The following ZNF560 variants were observed in gnomAD, a reference collection of about 807,000 sequenced individuals.
ZNF560 encodes zinc finger protein 560.
In ZNF560, 54 loss-of-function variants were observed where a neutral mutation model predicts 81.8. That is an observed-to-expected ratio of 0.66 (90% CI 0.53 to 0.83). The LOEUF (loss-of-function observed/expected upper bound fraction) is 0.83. Among genes scored for constraint, ZNF560 ranks in the 40% least tolerant of loss-of-function variants. The pLI is 0.00. For synonymous variants in ZNF560, 321 were observed against 317.9 expected (o/e 1.01, Z -0.10); for missense variants, 940 against 932.4 (o/e 1.01, Z -0.11).
At chr19:9,505,873 A>G in the ZNF560 span, among the ~76,000 whole-genome samples, 4 of 152,164 alleles carry the variant, frequency 2.6e-5, no homozygotes, top group Non-Finnish European at 4.4e-5. Flanking sequence ...CATGTTGGCC[A>G]GGCTGATCTT....
intron 2 of ZNF560, among the ~76,000 whole-genome samples, chr19:9,482,858 T>C (rs1353381278): frequency 6.6e-6 from 1 of 151,744 alleles, no homozygotes; most frequent in Non-Finnish European, 1.5e-5. Flanking sequence ...GGAGACGGGG[T>C]TTTGCTGTGT....
upstream of ZNF560, among the ~76,000 whole-genome samples, chr19:9,499,233 G>A (rs2073610648): frequency 6.6e-6 from 1 of 151,920 alleles, no homozygotes; most frequent in Admixed American, 6.6e-5. Flanking sequence ...GAATGCAGTG[G>A]TAGGAACACG....
chr19:9,479,778 T>C (rs2073257389), intron 2 of ZNF560, among the ~76,000 whole-genome samples: 1 of 152,174 alleles, frequency 6.6e-6, no homozygotes, highest in Non-Finnish European at 1.5e-5. Flanking sequence ...TAAAGATATT[T>C]TAAAGTACAT....
chr19:9,490,814 T>G (rs956253409), intron 2 of ZNF560, among the ~76,000 whole-genome samples: 1 of 152,110 alleles, frequency 6.6e-6, no homozygotes, highest in Non-Finnish European at 1.5e-5. Flanking sequence ...ACAGGGGAGA[T>G]TCAAAGTCTC....
intron 2 of ZNF560, among the ~76,000 whole-genome samples, chr19:9,483,508 G>A (rs1320884156): frequency 6.7e-6 from 1 of 148,714 alleles, no homozygotes; most frequent in African/African-American, 2.5e-5. Flanking sequence ...CCCCCGCCCG[G>A]CCAGCCGCCC....
At position 9,469,255 on chromosome 19, in the gene ZNF560, T is replaced by G; in HGVS notation, c.530-68A>C. ...AATGGTAGGTTAAATAAAAAGCAGA[T>G]AGATTTGAACAATTTATATATGTCT... On this transcript the variant is annotated intron_variant, in intron 8 of 9. Coordinates refer to ENST00000301480, the MANE Select transcript of ZNF560 (RefSeq NM_152476.3). 5 of 1,256,768 alleles carry G rather than the reference T, an allele frequency of 4.0e-6. No individual in the cohort carries two copies. In the South Asian group the frequency reaches 7.1e-5, roughly 18 times the overall value. The allele number at this position is 1,256,768 out of a possible 1,614,324, so 77.9% of individuals were successfully genotyped here.
At chr19:9,447,279 A>G in the ZNF560 span, among the ~76,000 whole-genome samples, 5 of 152,184 alleles carry the variant, frequency 3.3e-5, no homozygotes, top group East Asian at 7.7e-4. Context: ...TTTAGCCCCA[A>G]CCCTCTCCAG....
At chr19:9,450,537 A>G in the ZNF560 span, among the ~76,000 whole-genome samples, 1 of 152,180 alleles carries the variant, frequency 6.6e-6, no homozygotes, top group Non-Finnish European at 1.5e-5. Flanking sequence ...ATCAATGTAT[A>G]AAAATCAGCA....
intron 6 of ZNF560, among the ~76,000 whole-genome samples, chr19:9,471,015 C>T (rs2073112802): frequency 6.6e-6 from 1 of 152,132 alleles, no homozygotes; most frequent in East Asian, 1.9e-4. Flanking sequence ...GGGAAAAATT[C>T]AACTAGGGTC....
intron 2 of ZNF560, among the ~76,000 whole-genome samples, chr19:9,484,004 G>A (rs2073345797): frequency 6.6e-6 from 1 of 152,096 alleles, no homozygotes; most frequent in Non-Finnish European, 1.5e-5. Context: ...CCAACCCGGT[G>A]CTCTCTGAAA....
At chr19:9,446,381 CACACACACACACACACACACACACACAT>C in the ZNF560 span, among the ~76,000 whole-genome samples, 1 of 45,960 alleles carries the variant, frequency 2.2e-5, no homozygotes, top group Non-Finnish European at 5.5e-5. Flanking sequence ...CACACACACA[CACACACACACACACACACACACACACAT>C]AAAATATAGG....
At chr19:9,483,167 T>A (rs1006123045) in intron 2 of ZNF560, among the ~76,000 whole-genome samples, 2 of 149,496 alleles carry the variant, frequency 1.3e-5, no homozygotes, top group Admixed American at 1.3e-4. Flanking sequence ...CTGCCCAGTC[T>A]GGGAAGTGAG....
rs767736370 is a variant in ZNF560, at chr19:9,466,804, T to C, written c.2143A>G (p.Lys715Glu). The C allele has an allele frequency of 3.1e-6, 5 of 1,614,036 alleles. No individual in the cohort carries two copies. The highest frequency in any genetic ancestry group is 4.2e-6 in the Non-Finnish European group (5 of 1,180,024). ...TLTKIKPYKC[K>E]DCGKAFTCHS... ...CAAGTGAAGGCTTTCCCACAGTCCT[T>C]ACATTTATAGGGTTTTATTTTGGTG... Residue 715 changes from lysine to glutamate, a missense_variant, in exon 10 of 10, where the codon AAG becomes GAG. Physicochemically the swap from Lys to Glu is moderately conservative, Grantham distance 56 (BLOSUM62 1). Transcript: ENST00000301480.
the ZNF560 span, among the ~76,000 whole-genome samples, chr19:9,450,655 G>A: frequency 6.6e-5 from 10 of 152,100 alleles, no homozygotes; most frequent in Non-Finnish European, 1.2e-4. Context: ...TCAGCCTCCC[G>A]AGTATCTGGG....
At chr19:9,497,098 A>G (rs1378062698) in intron 2 of ZNF560, among the ~76,000 whole-genome samples, 1 of 152,004 alleles carries the variant, frequency 6.6e-6, no homozygotes, top group African/African-American at 2.4e-5. Flanking sequence ...CCTGGGCAAC[A>G]AGGCAACATC....
chr19:9,477,818 GA>G (rs143989795), intron 2 of ZNF560, among the ~76,000 whole-genome samples: 7,330 of 151,810 alleles, frequency 0.048, 609 homozygotes, highest in African/African-American at 0.17. Context: ...AGAAGGAAAA[GA>G]AAAAAATCTT....
the ZNF560 span, among the ~76,000 whole-genome samples, chr19:9,446,403 C>G: frequency 1.7e-5 from 2 of 120,172 alleles, no homozygotes; most frequent in South Asian, 5.2e-4. Flanking sequence ...CACACACACA[C>G]ACACATAAAA....
the ZNF560 span, among the ~76,000 whole-genome samples, chr19:9,506,296 A>G: frequency 6.6e-6 from 1 of 151,878 alleles, no homozygotes; most frequent in Non-Finnish European, 1.5e-5. Flanking sequence ...CCCAGCCAAA[A>G]CTTTAACAGC....
chr19:9,486,158 C>T (rs9967634), intron 2 of ZNF560, among the ~76,000 whole-genome samples: 7,346 of 152,228 alleles, frequency 0.048, 607 homozygotes, highest in African/African-American at 0.17. Flanking sequence ...CACATGAACA[C>T]ATGACTCCAG....
Sources: allele counts gnomAD v4.1 joint callset (sites outside exome capture counted in the v4.1 genomes callset), GRCh38; gene constraint gnomAD v4.1.1; transcripts MANE v1.5; gene names NCBI Gene and HGNC (gene_info 2026-07-23, HGNC 2026-07-21).